The following SYT3 variants were observed in gnomAD, a reference collection of about 807,000 sequenced individuals.
SYT3 encodes the protein synaptotagmin 3.
A neutral mutation model predicts 50.6 loss-of-function variants in SYT3; 25 were observed. The ratio of observed to expected loss-of-function variants is 0.49; its 90% CI spans 0.36 to 0.69. The LOEUF (loss-of-function observed/expected upper bound fraction) is 0.69. SYT3 is among the 30% of genes least tolerant of loss of function. SYT3 has a pLI of 0.00. For missense variants in SYT3, 589 were observed against 793.6 expected (o/e 0.74, Z 3.10); for synonymous variants, 323 against 353.9 (o/e 0.91, Z 0.98).
At chr19:50,654,803 AT>A in the SYT3 span, among the ~76,000 whole-genome samples, 15 of 151,730 alleles carry the variant, frequency 9.9e-5, no homozygotes, top group Non-Finnish European at 1.8e-4. Flanking sequence ...ATAATTAAAA[AT>A]TTTTTTTTGT....
rs538707831 is a variant in SYT3, at chr19:50,635,190, G to C, written c.148+2074C>G. Among the ~76,000 whole-genome samples the C allele has an allele frequency of 4.0e-3, 609 of 152,040 alleles. 7 individuals carry two copies. The highest frequency in any genetic ancestry group is 0.014 in the African/African-American group (577 of 41,452). On this transcript the variant is annotated intron_variant, in intron 3 of 10. Coordinates refer to ENST00000600079, the MANE Select transcript of SYT3 (RefSeq NM_001160329.2). ...CCCAAAGTGCTGGGATTACAGGTGTGAGCCACCACACCTGGCCCAGAGTGC... is the reference window on the plus strand; with the variant it reads ...CCCAAAGTGCTGGGATTACAGGTGTCAGCCACCACACCTGGCCCAGAGTGC...
chr19:50,655,718 A>G, the SYT3 span, among the ~76,000 whole-genome samples: 1 of 152,104 alleles, frequency 6.6e-6, no homozygotes, highest in Non-Finnish European at 1.5e-5. Context: ...GCCACAGTGA[A>G]GAAGTAAGCC....
chr19:50,648,506 C>T, the SYT3 span, among the ~76,000 whole-genome samples: 1 of 152,206 alleles, frequency 6.6e-6, no homozygotes, highest in Non-Finnish European at 1.5e-5. Flanking sequence ...CTGCAGAGAG[C>T]TCTGCAGACC....
chr19:50,633,557 G>T lies in SYT3; in HGVS notation c.149-746C>A, dbSNP rs946595521. ...TTAGGCAGGGCAGGGTTTAAATCAC[G>T]CTTGCTGTGTGGCCTTGGGAACATA... is the stretch of plus-strand genomic sequence containing the variant. On this transcript the variant is annotated intron_variant, in intron 3 of 10. Coordinates refer to ENST00000600079, the MANE Select transcript of SYT3 (RefSeq NM_001160329.2). Among the ~76,000 whole-genome samples, 3 of 152,166 alleles carry T rather than the reference G, an allele frequency of 2.0e-5. No individual in the cohort carries two copies. In the East Asian group the frequency reaches 5.8e-4, roughly 29 times the overall value.
the SYT3 span, among the ~76,000 whole-genome samples, chr19:50,656,725 G>A: frequency 6.6e-6 from 1 of 152,180 alleles, no homozygotes; most frequent in South Asian, 2.1e-4. Context: ...GCTGAGGTGG[G>A]TGGATCACTA....
chr19:50,630,305 CA>C, intron 4 of SYT3, 134 bp from the exon 5 acceptor site: 1 of 905,994 alleles, frequency 1.1e-6, no homozygotes, highest in Non-Finnish European at 1.6e-6. Flanking sequence ...CTCCTTTGCT[CA>C]CTGTGTGAGC....
intron 3 of SYT3, among the ~76,000 whole-genome samples, chr19:50,634,126 G>A (rs891846989): frequency 5.3e-5 from 8 of 152,180 alleles, no homozygotes; most frequent in African/African-American, 1.9e-4. Context: ...TACAATCAAA[G>A]GTTTTAGGCT....
intron 2 of SYT3, 98 bp downstream of exon 2, chr19:50,638,927 G>A (rs930125915): frequency 3.9e-5 from 6 of 152,596 alleles, no homozygotes; most frequent in African/African-American, 1.2e-4. Context: ...GGGGATGCAG[G>A]GGAATTAGGA....
intron 4 of SYT3, among the ~76,000 whole-genome samples, chr19:50,630,523 A>G (rs1984264649): frequency 2.0e-5 from 3 of 152,198 alleles, no homozygotes; most frequent in African/African-American, 7.2e-5. Flanking sequence ...CCCAGGTTCA[A>G]GTGATTATCC....
upstream of SYT3, among the ~76,000 whole-genome samples, chr19:50,643,801 A>C (rs950677786): frequency 6.6e-6 from 1 of 152,128 alleles, no homozygotes; most frequent in African/African-American, 2.4e-5. Flanking sequence ...AAGAGACAGA[A>C]AATAATCAAA....
Position 50,632,878 on chromosome 19 carries a change from C to T in SYT3, c.149-67G>A. On this transcript the variant is annotated intron_variant, in intron 3 of 10. Coordinates refer to ENST00000600079, the MANE Select transcript of SYT3 (RefSeq NM_001160329.2). The surrounding 1 kb of genome is among the most constrained non-coding windows in gnomAD (Gnocchi z 4.7). ...ACAGTACATCCTCCCTCTGCTGTCC[C>T]CAAAGAGTTAACCCTTCATATTTGC... 7.5e-7 allele frequency: 1 copy of T among 1,329,410 alleles called. No individual in the cohort carries two copies. The highest frequency in any genetic ancestry group is 2.5e-5 in the East Asian group (1 of 39,504). 82.4% of individuals were successfully genotyped at this position (1,329,410 alleles called of 1,614,324 possible).
the SYT3 span, among the ~76,000 whole-genome samples, chr19:50,645,417 G>A: frequency 1.3e-5 from 2 of 152,014 alleles, no homozygotes; most frequent in Non-Finnish European, 2.9e-5. Flanking sequence ...AGAGAGAAAG[G>A]GAAGGAAAGA....
rs1192160324 is a variant in SYT3 at position 50,639,853 on chromosome 19, G to T, written c.-217C>A. The T allele has an allele frequency of 6.4e-6, 1 of 157,234 alleles. No homozygotes were observed. Among genetic ancestry groups the T allele is most frequent in the Non-Finnish European group, 1.4e-5 (1 of 72,420 alleles). The allele number at this position is 157,234 out of a possible 1,614,324, so 9.7% of individuals were successfully genotyped here. On this transcript the variant is annotated 5_prime_UTR_variant, in exon 1 of 11. Transcript: ENST00000600079. This position sits in a 1 kb window ranked among gnomAD's most constrained non-coding sequence, Gnocchi z 4.6. ...GCCGCAGCCCCGCGCGCCAGCCGCG[G>T]TGCCGGCTCGGCTCCTCCCCTCGCC...
chr19:50,656,866 C>G, the SYT3 span, among the ~76,000 whole-genome samples: 5 of 151,484 alleles, frequency 3.3e-5, no homozygotes, highest in African/African-American at 1.2e-4. Flanking sequence ...GCAGGAGAAT[C>G]GCTTGAACCT....
intron 3 of SYT3, among the ~76,000 whole-genome samples, chr19:50,636,017 C>T (rs1452268954): frequency 2.0e-5 from 3 of 152,266 alleles, no homozygotes; most frequent in Non-Finnish European, 2.9e-5. Flanking sequence ...CTTTGGGAGG[C>T]TGGGGCGGGT....
the SYT3 span, among the ~76,000 whole-genome samples, chr19:50,647,906 C>G: frequency 3.3e-5 from 5 of 152,154 alleles, no homozygotes; most frequent in African/African-American, 1.2e-4. Context: ...GGGAGAGAAG[C>G]AGATGTGAAG....
upstream of SYT3, among the ~76,000 whole-genome samples, chr19:50,640,568 AC>A (rs1984644982): frequency 6.6e-6 from 1 of 152,226 alleles, no homozygotes; most frequent in African/African-American, 2.4e-5. Context: ...TGCAATTATG[AC>A]ATTCCCATTT....
chr19:50,625,069 C>G lies in SYT3; in HGVS notation c.1707+93G>C, dbSNP rs552128631. ...TTGAAACCTAGGACGCCTGGCTCTGCGACTCACGAACATGCAGGGCGTTCG... is the reference window on the plus strand; with the variant it reads ...TTGAAACCTAGGACGCCTGGCTCTGGGACTCACGAACATGCAGGGCGTTCG... On this transcript the variant is annotated intron_variant, in intron 9 of 10. Transcript: ENST00000600079. This position sits in a 1 kb window ranked among gnomAD's most constrained non-coding sequence, Gnocchi z 7.5. 9.2e-6 allele frequency: 12 copies of G among 1,307,428 alleles called. No individual in the cohort carries two copies. In the East Asian group the frequency reaches 3.3e-4, roughly 36 times the overall value. 81.0% of individuals were successfully genotyped at this position (1,307,428 alleles called of 1,614,324 possible).
Position 50,637,378 on chromosome 19 carries a change from G to T in SYT3, c.34C>A (p.Arg12=). The T allele has an allele frequency of 6.2e-7, 1 of 1,608,912 alleles. No individual in the cohort carries two copies. The highest frequency in any genetic ancestry group is 8.5e-7 in the Non-Finnish European group (1 of 1,177,674). ...SGDYEDDLCR[R]ALILVSDLCA... ...AGGTCCGAGACCAGGATGAGTGCCC[G>T]CCGGCAGAGGTCATCCTCGTAGTCT... Residue 12 remains arginine, a synonymous_variant, in exon 3 of 11, where the codon CGG becomes AGG. Coordinates refer to ENST00000600079, the MANE Select transcript of SYT3 (RefSeq NM_001160329.2). This position sits in a 1 kb window ranked among gnomAD's most constrained non-coding sequence, Gnocchi z 4.9.
Sources: allele counts gnomAD v4.1 joint callset (sites outside exome capture counted in the v4.1 genomes callset), GRCh38; gene constraint gnomAD v4.1.1; non-coding constraint Gnocchi (gnomAD v3.1); transcripts MANE v1.5; gene names NCBI Gene and HGNC (gene_info 2026-07-23, HGNC 2026-07-21).